The following CIP2A variants were observed in gnomAD, a reference collection of about 807,000 sequenced individuals.
CIP2A encodes the protein protein CIP2A.
Under a neutral mutation model 110.9 loss-of-function variants are expected in CIP2A, and 103 were observed. The ratio of observed to expected loss-of-function variants is 0.93; its 90% CI spans 0.79 to 1.09. The LOEUF (loss-of-function observed/expected upper bound fraction) is 1.09. Ranked by LOEUF, CIP2A falls within the 50% of genes least tolerant of loss-of-function variation. The pLI, the probability that CIP2A is intolerant of heterozygous loss-of-function variation, is 0.00. For missense variants in CIP2A, 1,088 were observed against 1,038.4 expected (o/e 1.05, Z -0.66); for synonymous variants, 381 against 361.6 (o/e 1.05, Z -0.61).
chr3:108,583,397 T>C (rs1231976239), intron 2 of CIP2A, among the ~76,000 whole-genome samples: 2 of 152,176 alleles, frequency 1.3e-5, no homozygotes, highest in African/African-American at 4.8e-5. Flanking sequence ...ATTTACACAA[T>C]GGAATACTAT....
chr3:108,582,875 T>TGCTACATG, intron 3 of CIP2A, 102 bp downstream of exon 3: 2 of 507,692 alleles, frequency 3.9e-6, no homozygotes, highest in Non-Finnish European at 6.9e-6. Context: ...GTAGTATTTA[T>TGCTACATG]TATATAGCAT....
chr3:108,576,489 G>A, intron 7 of CIP2A, 143 bp from the exon 8 acceptor site: 1 of 445,584 alleles, frequency 2.2e-6, no homozygotes, highest in Non-Finnish European at 4.0e-6. Flanking sequence ...ACACACTCCT[G>A]TAAAGTTTAT....
At position 108,585,114 on chromosome 3, in the gene CIP2A, G is replaced by C. The variant is rs749315403; in HGVS notation, c.201C>G (p.Asn67Lys). ...TACTTAAGATCAGTGAAGCACTTAT[G>C]TTGGGGTCTTCAAGTAGCTCTACAA... is the stretch of plus-strand genomic sequence containing the variant. ...SCLVELLEDPNISASLILSII... is the reference protein window; with the variant it reads ...SCLVELLEDPKISASLILSII... Residue 67 changes from asparagine (N) to lysine (K), a missense_variant, in exon 2 of 21, where the codon AAC becomes AAG. Asn to Lys is a moderately conservative substitution (Grantham distance 94). Transcript: ENST00000295746. The C allele has an allele frequency of 2.5e-6, 4 of 1,613,624 alleles. No homozygotes were observed.
rs539715913 is a variant in CIP2A, at chr3:108,582,989, C to T, written c.345G>A (p.Ser115=). 6 of 1,606,860 alleles carry T rather than the reference C, an allele frequency of 3.7e-6. No homozygotes were observed. The Admixed American group carries it at 6.7e-5, about 18-fold the overall frequency. ...GVVCRSSHTD[S]VFLQCIQLLQ... is the part of the protein sequence containing the mutation. ...TGGGTCTGTATACCTGCAAAAACAC[C>T]GAATCAGTGTGGCTGCTCCGACAAA... is the stretch of plus-strand genomic sequence containing the variant. The change falls in exon 3 of 21, where the codon TCG becomes TCA. Residue 115 remains serine (S), a synonymous_variant. Transcript: ENST00000295746.
At chr3:108,556,661 CTA>C (rs950794693) in intron 17 of CIP2A, among the ~76,000 whole-genome samples, 39 of 152,236 alleles carry the variant, frequency 2.6e-4, no homozygotes, top group African/African-American at 9.1e-4. Flanking sequence ...AGCAATTCAC[CTA>C]TGTGAACTTA....
At chr3:108,573,264 C>T (rs1157032610) in intron 8 of CIP2A, among the ~76,000 whole-genome samples, 3 of 151,418 alleles carry the variant, frequency 2.0e-5, no homozygotes, top group Non-Finnish European at 4.4e-5. Flanking sequence ...TTGTAGTATC[C>T]TTGTCAGGTT....
At chr3:108,563,028 A>G (rs1229388511) in intron 13 of CIP2A, 98 bp downstream of exon 13, 2 of 701,944 alleles carry the variant, frequency 2.8e-6, no homozygotes, top group Admixed American at 2.3e-5. Context: ...GAAGTCTTCA[A>G]TTCACTAATT....
intron 7 of CIP2A, among the ~76,000 whole-genome samples, chr3:108,578,296 GA>G (rs1938750345): frequency 6.6e-6 from 1 of 152,198 alleles, no homozygotes; most frequent in South Asian, 2.1e-4. Context: ...GGGTAGAATA[GA>G]TATACATGGA....
intron 10 of CIP2A, among the ~76,000 whole-genome samples, chr3:108,567,347 G>C (rs1396401026): frequency 1.3e-5 from 2 of 151,628 alleles, no homozygotes; most frequent in Non-Finnish European, 3.0e-5. Context: ...CCTTAGAAGA[G>C]GATATTAAAC....
In CIP2A at chr3:108,589,257, A is replaced by C; in HGVS notation, c.102+17T>G. The C allele has an allele frequency of 6.3e-7, 1 of 1,597,796 alleles. No individual in the cohort carries two copies. Among genetic ancestry groups the C allele is most frequent in the South Asian group, 1.1e-5 (1 of 90,620 alleles). ...CTAGGGGAAGCCCCATCTGTCCTCT[A>C]CCCCAGAGCCTCTCACCTCCAAGTG... On this transcript the variant is annotated intron_variant, in intron 1 of 20. Transcript: ENST00000295746.
chr3:108,575,449 T>C (rs865881404), intron 8 of CIP2A, among the ~76,000 whole-genome samples: 1,734 of 149,170 alleles, frequency 0.012, 18 homozygotes, highest in South Asian at 0.052. Flanking sequence ...CATATATACA[T>C]ATACATGTAT....
At chr3:108,575,538 A>G (rs1344914011) in intron 8 of CIP2A, among the ~76,000 whole-genome samples, 1 of 150,992 alleles carries the variant, frequency 6.6e-6, no homozygotes, top group African/African-American at 2.4e-5. Context: ...ACGTATATAT[A>G]CTCATATACA....
chr3:108,572,650 TATAA>T (rs1938438274), intron 8 of CIP2A, among the ~76,000 whole-genome samples: 1 of 152,116 alleles, frequency 6.6e-6, no homozygotes, highest in Non-Finnish European at 1.5e-5. Context: ...GTCACGAGAA[TATAA>T]ATAAAATATA....
rs751218257 is a variant in CIP2A, at chr3:108,552,324, T to C, written c.2457A>G (p.Gln819=). The C allele has an allele frequency of 1.3e-6, 2 of 1,552,804 alleles. No individual in the cohort carries two copies. The highest frequency in any genetic ancestry group is 2.0e-5 in the Admixed American group (1 of 49,994). Residue 819 remains glutamine, a synonymous_variant, in exon 20 of 21, where the codon CAA becomes CAG. Coordinates refer to ENST00000295746, the MANE Select transcript of CIP2A (RefSeq NM_020890.3). ...TTTCTTCCTTATCTTCCCTTTCCTTTTGTAAGGTTTTAATCTTTTCTTCTT... is the reference window on the plus strand; with the variant it reads ...TTTCTTCCTTATCTTCCCTTTCCTTCTGTAAGGTTTTAATCTTTTCTTCTT... The part of the protein sequence containing the change: ...KVQEEKIKTL[Q]KEREDKEETI...
chr3:108,560,280 T>A (rs1937954753), intron 14 of CIP2A, among the ~76,000 whole-genome samples: 1 of 152,052 alleles, frequency 6.6e-6, no homozygotes, highest in African/African-American at 2.4e-5. Flanking sequence ...CAAGTGATTC[T>A]CCTGCCTCAG....
rs375108755 is a variant in CIP2A, at chr3:108,569,564, C to T, written c.938G>A (p.Arg313His). 16 of 1,612,370 alleles carry T rather than the reference C, an allele frequency of 9.9e-6. No individual in the cohort carries two copies. Among genetic ancestry groups the T allele is most frequent in the South Asian group, 7.7e-5 (7 of 91,044 alleles). ...LLAFCSVTQL[R>H]HMLTQMMFEQ... Reference sequence around the variant, plus strand: ...AAACATCATCTGAGTGAGCATATGGCGCAGCTGAGTCACTGAACAGAAGGC... The same window carrying T: ...AAACATCATCTGAGTGAGCATATGGTGCAGCTGAGTCACTGAACAGAAGGC... Residue 313 changes from arginine (R) to histidine (H), a missense_variant, in exon 9 of 21, where the codon CGC (arginine) becomes CAC (histidine). By Grantham distance (29) the Arg-to-His change is conservative. Transcript: ENST00000295746.
chr3:108,557,890 T>C (rs190190899), intron 16 of CIP2A, among the ~76,000 whole-genome samples: 107 of 152,242 alleles, frequency 7.0e-4, no homozygotes, highest in Non-Finnish European at 1.1e-3. Flanking sequence ...CATGTATTTA[T>C]TATGTGATAT....
At chr3:108,588,421 T>G (rs529648501) in intron 1 of CIP2A, among the ~76,000 whole-genome samples, 2 of 152,360 alleles carry the variant, frequency 1.3e-5, no homozygotes, top group Admixed American at 1.3e-4. Flanking sequence ...GCTGTTGCTC[T>G]ACTACTGGAA....
At position 108,565,156 on chromosome 3, in the gene CIP2A, T is replaced by C. The variant is rs144879107; in HGVS notation, c.1515+199A>G. On this transcript the variant is annotated intron_variant, in intron 12 of 20. Coordinates refer to ENST00000295746, the MANE Select transcript of CIP2A (RefSeq NM_020890.3). ...TCTACATTAGTGTCATGAGCACTTATGTTCAATTCCTGTGAAAGTATATAA... is the reference window on the plus strand; with the variant it reads ...TCTACATTAGTGTCATGAGCACTTACGTTCAATTCCTGTGAAAGTATATAA... Among the ~76,000 whole-genome samples, 232 of 152,020 alleles carry C rather than the reference T, an allele frequency of 1.5e-3. No homozygotes were observed. Among genetic ancestry groups the C allele is most frequent in the African/African-American group, 5.2e-3 (218 of 41,552 alleles).
Sources: allele counts gnomAD v4.1 joint callset (sites outside exome capture counted in the v4.1 genomes callset), GRCh38; gene constraint gnomAD v4.1.1; transcripts MANE v1.5; gene names NCBI Gene and HGNC (gene_info 2026-07-23, HGNC 2026-07-21).